PCYT1B: variants seen among roughly 807,000 people sequenced by gnomAD.
PCYT1B encodes the protein phosphate cytidylyltransferase 1B, choline, also known as choline-phosphate cytidylyltransferase B.
In PCYT1B, 10 loss-of-function variants were observed where a neutral mutation model predicts 26.4. The ratio of observed to expected loss-of-function variants is 0.38; its 90% CI spans 0.23 to 0.64. The LOEUF (loss-of-function observed/expected upper bound fraction) is 0.64, where lower values mean the gene tolerates loss of function less well. PCYT1B is among the 30% of genes least tolerant of loss of function. The pLI is 0.56. For missense variants in PCYT1B, 161 were observed against 292.7 expected, an observed-to-expected ratio of 0.55 and a Z score of 3.28; for synonymous variants, 131 against 108.4, an observed-to-expected ratio of 1.21 and a Z score of -1.29.
Position 24,646,280 on chromosome X carries a change from G to A in PCYT1B, c.117+709C>T, listed in dbSNP as rs763603386. Among the ~76,000 whole-genome samples, 3 of 111,347 alleles carry A rather than the reference G, an allele frequency of 2.7e-5. No homozygotes were observed. The South Asian group carries it at 1.1e-3, about 43-fold the overall frequency. On this transcript the variant is annotated intron_variant, in intron 1 of 7. Transcript: ENST00000379144. ...AATTTGGGAGAGCAGTTACGGTGCA[G>A]TTACGGAGGCGGAAGGACGCTCTCA...
intron 1 of PCYT1B, among the ~76,000 whole-genome samples, chrX:24,620,421 C>A (rs978689134): frequency 2.3e-4 from 26 of 111,518 alleles, no homozygotes; most frequent in Admixed American, 1.1e-3. Context: ...ATTTTCTTAG[C>A]CCTCACCTTC....
intron 1 of PCYT1B, among the ~76,000 whole-genome samples, chrX:24,634,741 T>C (rs1926218559): frequency 1.1e-5 from 1 of 94,921 alleles, no homozygotes; most frequent in African/African-American, 3.6e-5. Flanking sequence ...TGAGACTCCA[T>C]CTCAAAAACA....
At chrX:24,645,061 C>G (rs1198933640) in intron 1 of PCYT1B, among the ~76,000 whole-genome samples, 2 of 110,877 alleles carry the variant, frequency 1.8e-5, no homozygotes, top group African/African-American at 6.6e-5. Flanking sequence ...GAGACTCCAT[C>G]TTAAAAAAAC....
At chrX:24,645,000 G>T (rs1926579521) in intron 1 of PCYT1B, among the ~76,000 whole-genome samples, 1 of 110,945 alleles carries the variant, frequency 9.0e-6, no homozygotes, top group Admixed American at 9.6e-5. Context: ...GGAGGTGGAG[G>T]TTGTGGTGAG....
At position 24,587,290 on chromosome X, in the gene PCYT1B, C is replaced by A. The variant is rs34701484; in HGVS notation, c.516G>T (p.Pro172=). Residue 172 remains proline, a synonymous_variant, in exon 5 of 8, where the codon CCG becomes CCT. Coordinates refer to ENST00000379144, the MANE Select transcript of PCYT1B (RefSeq NM_004845.5). ...KIDFVAHDDI[P]YSSAGSDDVY... is the part of the protein sequence containing the mutation. ...CATCATCAGAGCCAGCAGAGGAATACGGAATGTCATCATGAGCCACAAAGT... is the reference window on the plus strand; with the variant it reads ...CATCATCAGAGCCAGCAGAGGAATAAGGAATGTCATCATGAGCCACAAAGT... The A allele has an allele frequency of 1.9e-3, 2,340 of 1,202,138 alleles. 5 individuals carry two copies. The highest frequency in any genetic ancestry group is 2.5e-3 in the Non-Finnish European group (2,218 of 888,690).
rs1413544557 is a variant in PCYT1B at position 24,581,615 on chromosome X, T to C, written c.566-2157A>G. Reference sequence around the variant, plus strand: ...CCCCTTCCCTCCAAATACAGCAAGATCTTTATAAAATAACTTGTTCAACAA... The same window carrying C: ...CCCCTTCCCTCCAAATACAGCAAGACCTTTATAAAATAACTTGTTCAACAA... On this transcript the variant is annotated intron_variant, in intron 5 of 7. Transcript: ENST00000379144. Among the ~76,000 whole-genome samples, 3 of 112,381 alleles carry C rather than the reference T, an allele frequency of 2.7e-5. No homozygotes were observed. In the Admixed American group the frequency reaches 2.8e-4, roughly 11 times the overall value.
At chrX:24,660,550 C>T (rs1165309848) in intron 1 of PCYT1B, among the ~76,000 whole-genome samples, 22 of 110,302 alleles carry the variant, frequency 2.0e-4, no homozygotes, top group Non-Finnish European at 3.8e-4. Context: ...CGGTGGCATG[C>T]GCCTGTAATC....
At chrX:24,634,709 G>A (rs375134190) in intron 1 of PCYT1B, among the ~76,000 whole-genome samples, 6 of 111,531 alleles carry the variant, frequency 5.4e-5, no homozygotes, top group East Asian at 2.8e-4. Context: ...TCACGCCACC[G>A]CACTCCAGGC....
intron 3 of PCYT1B, among the ~76,000 whole-genome samples, chrX:24,594,198 C>T (rs1419160058): frequency 9.0e-6 from 1 of 111,166 alleles, no homozygotes; most frequent in Non-Finnish European, 1.9e-5. Flanking sequence ...AAGAGCTCTG[C>T]CTGTCTTTAA....
At position 24,563,034 on chromosome X, in the gene PCYT1B, G is replaced by A. The variant is rs757380833; in HGVS notation, c.898-529C>T. ...GAGCCACCATGCCCAGCTACCACTG[G>A]TTCTTAACACTCTTTCCTTCTTCCT... On this transcript the variant is annotated intron_variant, in intron 7 of 7. Transcript: ENST00000379144. Among the ~76,000 whole-genome samples the A allele has an allele frequency of 5.4e-5, 6 of 111,352 alleles. No individual in the cohort carries two copies. The South Asian group carries it at 1.9e-3, about 35-fold the overall frequency.
Position 24,562,289 on chromosome X carries a change from G to C in PCYT1B, c.*4C>G. 1 of 1,154,527 alleles carries C rather than the reference G, an allele frequency of 8.7e-7. No individual in the cohort carries two copies. Among genetic ancestry groups the C allele is most frequent in the Non-Finnish European group, 1.2e-6 (1 of 866,574 alleles). ...ATGGTGCGGCTCTTGCCTCCCAGCA[G>C]CCTCTACTTTTCATCCTCATCCCCC... On this transcript the variant is annotated 3_prime_UTR_variant, in exon 8 of 8. Coordinates refer to ENST00000379144, the MANE Select transcript of PCYT1B (RefSeq NM_004845.5).
At chrX:24,587,998 T>C (rs958593858) in intron 4 of PCYT1B, among the ~76,000 whole-genome samples, 1 of 112,673 alleles carries the variant, frequency 8.9e-6, no homozygotes, top group African/African-American at 3.2e-5. Context: ...TAAATCATCT[T>C]GTCCTGTCCT....
intron 1 of PCYT1B, among the ~76,000 whole-genome samples, chrX:24,627,534 A>G (rs1461065100): frequency 8.9e-6 from 1 of 111,777 alleles, no homozygotes; most frequent in Non-Finnish European, 1.9e-5. Flanking sequence ...GGGTTTCGCC[A>G]TGCTGGTCTC....
At chrX:24,645,822 C>T in intron 1 of PCYT1B, among the ~76,000 whole-genome samples, 1 of 111,745 alleles carries the variant, frequency 8.9e-6, no homozygotes, top group Non-Finnish European at 1.9e-5. Context: ...ATATAACTTC[C>T]TCTGTATTTG....
At chrX:24,606,243 T>G (rs1049582886) in intron 3 of PCYT1B, among the ~76,000 whole-genome samples, 2 of 110,692 alleles carry the variant, frequency 1.8e-5, no homozygotes, top group Admixed American at 1.9e-4. Context: ...CCACAGCTAG[T>G]GTTCCTGTTA....
At chrX:24,627,720 C>CT (rs1338119201) in intron 1 of PCYT1B, among the ~76,000 whole-genome samples, 1 of 111,954 alleles carries the variant, frequency 8.9e-6, no homozygotes, top group Non-Finnish European at 1.9e-5. Flanking sequence ...ACTGAGGTGT[C>CT]TGGTGTAATA....
intron 3 of PCYT1B, among the ~76,000 whole-genome samples, chrX:24,604,887 A>G (rs962038184): frequency 8.9e-6 from 1 of 112,019 alleles, no homozygotes; most frequent in Non-Finnish European, 1.9e-5. Flanking sequence ...TCCACAACCC[A>G]TGTAATAGCC....
At chrX:24,635,468 G>T (rs1290323358) in intron 1 of PCYT1B, among the ~76,000 whole-genome samples, 1 of 112,240 alleles carries the variant, frequency 8.9e-6, no homozygotes, top group Non-Finnish European at 1.9e-5. Flanking sequence ...ACATGTCTCA[G>T]CTTGAGGTAT....
chrX:24,568,862 A>G (rs112609466), intron 7 of PCYT1B, among the ~76,000 whole-genome samples: 3,846 of 111,666 alleles, frequency 0.034, 96 homozygotes, highest in African/African-American at 0.084. Context: ...TGGGAGGCCG[A>G]GGTGGGTGGA....
Sources: gnomAD v4.1 joint callset for allele counts (sites outside exome capture counted in the v4.1 genomes callset) on GRCh38, gnomAD v4.1.1 for gene constraint, MANE v1.5 for transcripts, NCBI Gene and HGNC (gene_info 2026-07-23, HGNC 2026-07-21) for gene names.